Variants in COL27A1 observed in about 807,000 individuals in gnomAD.
COL27A1 encodes collagen alpha-1(XXVII) chain.
Under a neutral mutation model 251.3 loss-of-function variants are expected in COL27A1, and 106 were observed. The ratio of observed to expected loss-of-function variants is 0.42; its 90% CI spans 0.36 to 0.50. The LOEUF is 0.50. Among genes scored for constraint, COL27A1 ranks in the 20% least tolerant of loss-of-function variants. The pLI, the probability that COL27A1 is intolerant of heterozygous loss-of-function variation, is 0.00. For missense variants in COL27A1, 2,325 were observed against 2,522.8 expected (o/e 0.92, Z 1.68); for synonymous variants, 1,000 against 986.3 (o/e 1.01, Z -0.26).
At chr9:114,234,013 G>A (rs1346769576) in intron 16 of COL27A1, among the ~76,000 whole-genome samples, 2 of 151,946 alleles carry the variant, frequency 1.3e-5, no homozygotes, top group Non-Finnish European at 2.9e-5. Flanking sequence ...GATTTTCCAT[G>A]ACCCAGCCTG....
chr9:114,204,758 C>T (rs1271073922), intron 7 of COL27A1, among the ~76,000 whole-genome samples: 5 of 152,124 alleles, frequency 3.3e-5, no homozygotes, highest in Admixed American at 6.5e-5. Context: ...CCCTGAGAGA[C>T]GGTCTCGCCT....
At chr9:114,162,829 G>A (rs746513558) in intron 2 of COL27A1, 44 bp downstream of exon 2, 65 of 1,461,472 alleles carry the variant, frequency 4.4e-5, no homozygotes, top group African/African-American at 2.7e-4. Context: ...AAAGGAGAAC[G>A]GAAGGGGCCT....
chr9:114,289,160 CT>C, intron 44 of COL27A1, 81 bp from the exon 45 acceptor site: 1 of 1,358,008 alleles, frequency 7.4e-7, no homozygotes, highest in Non-Finnish European at 1.0e-6. Context: ...CTCCCCACCC[CT>C]CCCCCTCCAG....
At chr9:114,170,997 C>G (rs938913971) in intron 3 of COL27A1, among the ~76,000 whole-genome samples, 4 of 152,200 alleles carry the variant, frequency 2.6e-5, no homozygotes, top group African/African-American at 7.2e-5. Context: ...CCCTCCCTCC[C>G]AAGAATTTGT....
In COL27A1 at chr9:114,275,785, C is replaced by T. The variant is rs1393675919; in HGVS notation, c.3717+17C>T. On this transcript the variant is annotated intron_variant, in intron 37 of 60. Transcript: ENST00000356083. ...GGTGTCCGGGTGAGTGTGCAGGCCC[C>T]TTGCAGCGCCTGGAGCTCTGGGGTA... The T allele has an allele frequency of 6.7e-6, 10 of 1,493,394 alleles. No homozygotes were observed. Among genetic ancestry groups the T allele is most frequent in the Middle Eastern group, 1.7e-4 (1 of 5,890 alleles). The allele number at this position is 1,493,394 out of a possible 1,614,324, so 92.5% of individuals were successfully genotyped here. A position where few individuals can be genotyped will look rare whatever the true frequency, so the allele number is the denominator to read the frequency against.
At chr9:114,207,298 C>T (rs557874084) in intron 10 of COL27A1, among the ~76,000 whole-genome samples, 7 of 152,076 alleles carry the variant, frequency 4.6e-5, no homozygotes, top group East Asian at 1.9e-4. Flanking sequence ...TGTGGGGAGG[C>T]GGGAGTGGGG....
At chr9:114,235,325 T>C (rs1832296501) in intron 16 of COL27A1, among the ~76,000 whole-genome samples, 1 of 152,230 alleles carries the variant, frequency 6.6e-6, no homozygotes, top group Non-Finnish European at 1.5e-5. Context: ...GCAAGGCCAG[T>C]TGACACTGGG....
intron 5 of COL27A1, among the ~76,000 whole-genome samples, chr9:114,189,184 C>T (rs1419638397): frequency 6.6e-6 from 1 of 152,160 alleles, no homozygotes; most frequent in African/African-American, 2.4e-5. Flanking sequence ...CTTGTAATTT[C>T]ATAAAATCAT....
rs1831272254 is a variant in COL27A1, at chr9:114,223,710, C to T, written c.2466+1443C>T. On this transcript the variant is annotated intron_variant, in intron 14 of 60. Coordinates refer to ENST00000356083, the MANE Select transcript of COL27A1 (RefSeq NM_032888.4). Reference sequence around the variant, plus strand: ...AGGTTCAAATCCTAGCTCTACCACTCATGTAATCACAATCCTGAGCAAAAT... The same window carrying T: ...AGGTTCAAATCCTAGCTCTACCACTTATGTAATCACAATCCTGAGCAAAAT... Among the ~76,000 whole-genome samples the T allele has an allele frequency of 2.0e-5, 3 of 152,186 alleles. No individual in the cohort carries two copies. The South Asian group carries it at 6.2e-4, about 32-fold the overall frequency.
In COL27A1 at chr9:114,312,205, T is replaced by G. The variant is rs947531822; in HGVS notation, c.*1510T>G. 1 of 152,186 alleles carries G rather than the reference T, an allele frequency of 6.6e-6. No homozygotes were observed. The highest frequency in any genetic ancestry group is 2.4e-5 in the African/African-American group (1 of 41,440). 9.4% of individuals were successfully genotyped at this position (152,186 alleles called of 1,614,324 possible). Reference sequence around the variant, plus strand: ...AAGTTGTGTCTCTTTGGGAATTGGATTTGATTTTTATTATTTAATACCTCA... The same window carrying G: ...AAGTTGTGTCTCTTTGGGAATTGGAGTTGATTTTTATTATTTAATACCTCA... On this transcript the variant is annotated 3_prime_UTR_variant, in exon 61 of 61. Coordinates refer to ENST00000356083, the MANE Select transcript of COL27A1 (RefSeq NM_032888.4).
At chr9:114,307,005 G>A (rs2131688816) in intron 58 of COL27A1, 1 of 319,638 alleles carries the variant, frequency 3.1e-6, no homozygotes, top group Non-Finnish European at 5.9e-6. Flanking sequence ...TGAGCATGAG[G>A]ACTCTGCTCT....
Position 114,289,304 on chromosome 9 carries a change from G to T in COL27A1, c.4206+9G>T, listed in dbSNP as rs755072251. On this transcript the variant is annotated intron_variant, in intron 45 of 60. Coordinates refer to ENST00000356083, the MANE Select transcript of COL27A1 (RefSeq NM_032888.4). ...GATCGAAAGGCGCAGAGGTAAGAGG[G>T]CCGGGGGTTCAGCAGGGAGACTGAG... 1 of 1,579,250 alleles carries T rather than the reference G, an allele frequency of 6.3e-7. No individual in the cohort carries two copies. The highest frequency in any genetic ancestry group is 8.6e-7 in the Non-Finnish European group (1 of 1,166,358).
At chr9:114,162,133 G>T (rs957782929) in intron 1 of COL27A1, among the ~76,000 whole-genome samples, 1 of 152,214 alleles carries the variant, frequency 6.6e-6, no homozygotes, top group East Asian at 1.9e-4. Flanking sequence ...TTAGGATAAA[G>T]CCAAGTTGGG....
Position 114,168,315 on chromosome 9 carries a change from T to C in COL27A1, c.760T>C (p.Ser254Pro), listed in dbSNP as rs376160858. 14 of 1,613,238 alleles carry C rather than the reference T, an allele frequency of 8.7e-6. No homozygotes were observed. The highest frequency in any genetic ancestry group is 1.2e-5 in the Non-Finnish European group (14 of 1,180,016). ...SPLGPLFSQDSGRPFTFQSDL... is the reference protein window; with the variant it reads ...SPLGPLFSQDPGRPFTFQSDL... ...ACTGGGACCTCTCTTCTCCCAAGACTCTGGCAGACCTTTTACCTTCCAGTC... is the reference window on the plus strand; with the variant it reads ...ACTGGGACCTCTCTTCTCCCAAGACCCTGGCAGACCTTTTACCTTCCAGTC... Residue 254 changes from serine (S) to proline (P), a missense_variant, in exon 3 of 61, where the codon TCT becomes CCT. By Grantham distance (74) the Ser-to-Pro change is moderately conservative. This residue lies in a region of COL27A1 where 1,183 missense variants were observed against 1,144.1 expected (regional missense o/e 1.03). Transcript: ENST00000356083.
At chr9:114,216,988 T>A (rs552336229) in intron 12 of COL27A1, among the ~76,000 whole-genome samples, 2 of 152,202 alleles carry the variant, frequency 1.3e-5, no homozygotes, top group African/African-American at 2.4e-5. Context: ...TAGGTTCGAA[T>A]CTCATCTCTG....
intron 3 of COL27A1, among the ~76,000 whole-genome samples, chr9:114,171,056 T>C (rs1849284142): frequency 6.6e-6 from 1 of 152,150 alleles, no homozygotes; most frequent in South Asian, 2.1e-4. Flanking sequence ...TTCTATAGTA[T>C]CTTGGGTCTG....
At chr9:114,220,093 C>A (rs1830975857) in intron 13 of COL27A1, among the ~76,000 whole-genome samples, 1 of 152,214 alleles carries the variant, frequency 6.6e-6, no homozygotes, top group Non-Finnish European at 1.5e-5. Context: ...CTCCAGGCTG[C>A]ACCCCATTTC....
intron 7 of COL27A1, among the ~76,000 whole-genome samples, chr9:114,202,318 C>T (rs551793729): frequency 6.6e-6 from 1 of 152,254 alleles, no homozygotes; most frequent in African/African-American, 2.4e-5. Flanking sequence ...CCCCCTGGAC[C>T]CCACATTATG....
intron 12 of COL27A1, among the ~76,000 whole-genome samples, chr9:114,214,164 C>T (rs1221417469): frequency 6.6e-6 from 1 of 152,172 alleles, no homozygotes; most frequent in Non-Finnish European, 1.5e-5. Context: ...AGACCCTGGA[C>T]AGTCTTTAGG....
Sources: allele counts gnomAD v4.1 joint callset (sites outside exome capture counted in the v4.1 genomes callset), GRCh38; gene constraint gnomAD v4.1.1; regional missense constraint gnomAD v4.1.1; transcripts MANE v1.5; gene names NCBI Gene and HGNC (gene_info 2026-07-23, HGNC 2026-07-21).